The following SYT1 variants were observed in gnomAD, a reference collection of about 807,000 sequenced individuals.
SYT1 encodes the protein synaptotagmin-1.
Under a neutral mutation model 44.8 loss-of-function variants are expected in SYT1, and 8 were observed. The observed-to-expected ratio is 0.18, with a 90% confidence interval of 0.10 to 0.32. SYT1 has a LOEUF of 0.32. Among genes scored for constraint, SYT1 ranks in the 10% least tolerant of loss-of-function variants. The pLI is 1.00. For missense variants in SYT1, 286 were observed against 509.3 expected (o/e 0.56, Z 4.22); for synonymous variants, 154 against 188.8 (o/e 0.82, Z 1.51).
chr12:79,179,203 GATATAGATATAGAT>G (rs1265077448), intron 3 of SYT1, among the ~76,000 whole-genome samples: 1 of 20,034 alleles, frequency 5.0e-5, no homozygotes, highest in South Asian at 9.9e-4. Context: ...TAGATATATA[GATATAGATATAGAT>G]ATATAGATAT....
intron 3 of SYT1, among the ~76,000 whole-genome samples, chr12:79,134,403 T>C (rs1483818495): frequency 1.3e-5 from 2 of 152,186 alleles, no homozygotes; most frequent in Middle Eastern, 3.2e-3. Flanking sequence ...GCTTGAAGAA[T>C]TGACTGGGTA....
chr12:79,246,571 AGATG>A, intron 4 of SYT1, among the ~76,000 whole-genome samples: 1 of 152,208 alleles, frequency 6.6e-6, no homozygotes, highest in Non-Finnish European at 1.5e-5. Context: ...CTTGCTTCTA[AGATG>A]GTGCCTTGAA....
At chr12:79,298,062 G>A (rs1011005928) in intron 7 of SYT1, among the ~76,000 whole-genome samples, 2 of 152,044 alleles carry the variant, frequency 1.3e-5, no homozygotes, top group Non-Finnish European at 2.9e-5. Flanking sequence ...TTAATCACGT[G>A]CCCCAGGCCC....
chr12:79,244,872 C>A (rs1876729084), intron 4 of SYT1, among the ~76,000 whole-genome samples: 1 of 151,752 alleles, frequency 6.6e-6, no homozygotes, highest in Non-Finnish European at 1.5e-5. Context: ...TCTTTAGTTT[C>A]TTTTTCTATG....
chr12:79,330,979 T>A (rs1565911768), intron 8 of SYT1, among the ~76,000 whole-genome samples: 1 of 152,162 alleles, frequency 6.6e-6, no homozygotes, highest in Non-Finnish European at 1.5e-5. Flanking sequence ...TTCCAGTCCA[T>A]TTTCGTTTCC....
rs1392195832 is a variant in SYT1 at position 78,931,258 on chromosome 12, G to A, written c.-216-46541G>A. Among the ~76,000 whole-genome samples, 140 of 65,090 alleles carry A rather than the reference G, an allele frequency of 2.2e-3. 1 individual carries two copies. The highest frequency in any genetic ancestry group is 8.5e-3 in the Middle Eastern group (1 of 118). 42.7% of individuals were successfully genotyped at this position (65,090 alleles called of 152,430 possible). ...AAGAAAGAAGGAAGGAAGGAAGGAAGGAAGGAAGGAAGGAAGGAAGGAAGG... is the reference window on the plus strand; with the variant it reads ...AAGAAAGAAGGAAGGAAGGAAGGAAAGAAGGAAGGAAGGAAGGAAGGAAGG... On this transcript the variant is annotated intron_variant, in intron 1 of 10. Transcript: ENST00000261205.
chr12:79,128,270 G>A (rs1868570887), intron 3 of SYT1, among the ~76,000 whole-genome samples: 1 of 152,082 alleles, frequency 6.6e-6, no homozygotes, highest in African/African-American at 2.4e-5. Context: ...GCTCACATTT[G>A]TAGTCCCAGC....
chr12:79,201,005 G>C (rs1042396433), intron 3 of SYT1, among the ~76,000 whole-genome samples: 1 of 152,110 alleles, frequency 6.6e-6, no homozygotes, highest in African/African-American at 2.4e-5. Context: ...ACATGGGTCA[G>C]CCCATCATTT....
At chr12:79,354,959 T>G (rs1208190525) in intron 9 of SYT1, among the ~76,000 whole-genome samples, 1 of 152,150 alleles carries the variant, frequency 6.6e-6, no homozygotes, top group Non-Finnish European at 1.5e-5. Context: ...AACCATCCCC[T>G]CATAACCTAT....
At chr12:78,955,800 T>TTGTGTGTG (rs60111282) in intron 1 of SYT1, among the ~76,000 whole-genome samples, 9,198 of 138,554 alleles carry the variant, frequency 0.066, 410 homozygotes, top group East Asian at 0.19. Flanking sequence ...GCCAAGATAT[T>TTGTGTGTG]TGTGTGTGTG....
At chr12:78,889,969 A>T (rs2137071680) in intron 1 of SYT1, among the ~76,000 whole-genome samples, 1 of 152,014 alleles carries the variant, frequency 6.6e-6, no homozygotes, top group African/African-American at 2.4e-5. Context: ...CCCCAAACTT[A>T]TGTATATTTG....
intron 9 of SYT1, among the ~76,000 whole-genome samples, chr12:79,396,236 G>T (rs989976925): frequency 1.3e-5 from 2 of 152,160 alleles, no homozygotes; most frequent in Non-Finnish European, 2.9e-5. Flanking sequence ...CCTCAATGCA[G>T]AAGGATTGGT....
At chr12:79,382,416 C>T (rs1259957630) in intron 9 of SYT1, among the ~76,000 whole-genome samples, 1 of 152,046 alleles carries the variant, frequency 6.6e-6, no homozygotes, top group Non-Finnish European at 1.5e-5. Flanking sequence ...TTCAAAAATA[C>T]ACAAACACAT....
intron 8 of SYT1, among the ~76,000 whole-genome samples, chr12:79,315,097 T>G (rs1329089960): frequency 6.6e-6 from 1 of 152,204 alleles, no homozygotes; most frequent in Non-Finnish European, 1.5e-5. Context: ...TATACTAAAA[T>G]CCACCAAACT....
chr12:79,220,072 T>G (rs997393536), intron 4 of SYT1, among the ~76,000 whole-genome samples: 2 of 152,020 alleles, frequency 1.3e-5, no homozygotes, highest in Admixed American at 1.3e-4. Context: ...TATGGGAGAT[T>G]TTTTATTACT....
chr12:78,874,693 C>A (rs1173475127), intron 1 of SYT1, among the ~76,000 whole-genome samples: 4 of 151,666 alleles, frequency 2.6e-5, no homozygotes, highest in Non-Finnish European at 5.9e-5. Context: ...CCATAAAGTT[C>A]ATGAATATTC....
intron 3 of SYT1, among the ~76,000 whole-genome samples, chr12:79,185,779 A>C (rs1294811798): frequency 6.6e-6 from 1 of 152,032 alleles, no homozygotes; most frequent in Non-Finnish European, 1.5e-5. Flanking sequence ...TGATTATTTT[A>C]TAGCAAAGTT....
chr12:79,102,482 G>A (rs759679880), intron 3 of SYT1, among the ~76,000 whole-genome samples: 1 of 152,202 alleles, frequency 6.6e-6, no homozygotes, highest in Non-Finnish European at 1.5e-5. Flanking sequence ...GCCACTCTAC[G>A]CTTTAGCCTT....
At chr12:78,978,007 G>C (rs888179272) in intron 2 of SYT1, 76 bp downstream of exon 2, 1 of 152,222 alleles carries the variant, frequency 6.6e-6, no homozygotes, top group Non-Finnish European at 1.5e-5. Flanking sequence ...CTTTTTATAT[G>C]TGGCGGCGGG....
Sources: allele counts gnomAD v4.1 joint callset (sites outside exome capture counted in the v4.1 genomes callset), GRCh38; gene constraint gnomAD v4.1.1; transcripts MANE v1.5; gene names NCBI Gene and HGNC (gene_info 2026-07-23, HGNC 2026-07-21).